The following ANO2 variants were observed in gnomAD, a reference collection of about 807,000 sequenced individuals.
ANO2 encodes anoctamin 2.
Under a neutral mutation model 124.2 loss-of-function variants are expected in ANO2, and 101 were observed. The ratio of observed to expected loss-of-function variants is 0.81; its 90% confidence interval spans 0.69 to 0.96. The LOEUF is 0.96. ANO2 is among the 40% of genes least tolerant of loss of function. The probability of loss-of-function intolerance (pLI) is 0.00; values close to 1 mark genes in which losing one functional copy is unlikely to be tolerated. For synonymous variants in ANO2, 486 were observed against 482.5 expected (o/e 1.01, Z -0.09); for missense variants, 1,293 against 1,274.5 (o/e 1.01, Z -0.22).
intron 16 of ANO2, among the ~76,000 whole-genome samples, chr12:5,619,604 T>C (rs1324607628): frequency 1.3e-5 from 2 of 152,132 alleles, no homozygotes; most frequent in African/African-American, 4.8e-5. Flanking sequence ...CTTCCAAGCC[T>C]GGGCCTTAAT....
At chr12:5,621,581 G>A (rs888875198) in intron 16 of ANO2, among the ~76,000 whole-genome samples, 1 of 152,172 alleles carries the variant, frequency 6.6e-6, no homozygotes, top group Admixed American at 6.5e-5. Flanking sequence ...GGGAGGGCCC[G>A]CTGGGAATTT....
chr12:5,921,133 C>G lies in ANO2; in HGVS notation c.441G>C (p.Pro147=). Residue 147 remains proline, a synonymous_variant, in exon 3 of 25, where the codon CCG becomes CCC. Transcript: ENST00000682330. ...AGGPGDIELG[P]LDALEEERKE... ...TCCTCTCCTCCTCCAGGGCATCGAG[C>G]GGTCCCAGCTCAATGTCACCTGGGC... 1 of 1,613,990 alleles carries G rather than the reference C, an allele frequency of 6.2e-7. No individual in the cohort carries two copies. Among genetic ancestry groups the G allele is most frequent in the Non-Finnish European group, 8.5e-7 (1 of 1,179,890 alleles).
chr12:5,577,946 AG>A lies in ANO2; in HGVS notation c.2439+8del. On this transcript the variant is annotated splice_region_variant and intron_variant, in intron 22 of 24. Transcript: ENST00000682330. ...ACAGAGCGAGTGTGTCATGAATGCA[AG>A]TACTTACGTTGCTGATAACAGAGAA... 1 of 1,612,864 alleles carries A rather than the reference AG, an allele frequency of 6.2e-7. No homozygotes were observed. The highest frequency in any genetic ancestry group is 1.3e-5 in the African/African-American group (1 of 75,020).
intron 3 of ANO2, among the ~76,000 whole-genome samples, chr12:5,917,351 G>A (rs564114931): frequency 1.7e-5 from 1 of 59,926 alleles, no homozygotes; most frequent in African/African-American, 4.1e-5. Context: ...ATATTTCATT[G>A]TACATGCTAA....
At chr12:5,909,517 C>A (rs764455654) in intron 3 of ANO2, among the ~76,000 whole-genome samples, 3 of 152,160 alleles carry the variant, frequency 2.0e-5, no homozygotes, top group Non-Finnish European at 4.4e-5. Context: ...AGTCGAGATC[C>A]AGAGAGAAGC....
intron 14 of ANO2, among the ~76,000 whole-genome samples, chr12:5,682,595 C>A (rs1948544695): frequency 6.6e-6 from 1 of 152,158 alleles, no homozygotes; most frequent in Admixed American, 6.5e-5. Flanking sequence ...TTCTGCCCCC[C>A]AGCTCAGGTC....
At chr12:5,698,452 C>T (rs1392870742) in intron 14 of ANO2, among the ~76,000 whole-genome samples, 1 of 152,162 alleles carries the variant, frequency 6.6e-6, no homozygotes, top group African/African-American at 2.4e-5. Context: ...CTGTACGTCA[C>T]CATCATCAAA....
At chr12:5,762,500 A>C (rs947106045) in intron 10 of ANO2, among the ~76,000 whole-genome samples, 2 of 152,000 alleles carry the variant, frequency 1.3e-5, no homozygotes, top group African/African-American at 2.4e-5. Flanking sequence ...ACAACACTAT[A>C]TGCAAATATA....
intron 10 of ANO2, among the ~76,000 whole-genome samples, chr12:5,795,744 T>C (rs1212567610): frequency 2.0e-5 from 3 of 152,152 alleles, no homozygotes; most frequent in African/African-American, 7.2e-5. Context: ...GGAGCAGATA[T>C]TAACTTTAGT....
intron 3 of ANO2, chr12:5,856,421 C>A (rs977751603): frequency 6.6e-6 from 1 of 152,184 alleles, no homozygotes; most frequent in Non-Finnish European, 1.5e-5. Flanking sequence ...TGGCAGACTG[C>A]TAGCTGTCCC....
chr12:5,563,183 A>G lies in ANO2; in HGVS notation c.*116T>C. ...TTTTACACACTGCCCCCTCTTCAAG[A>G]CCCCATCAAGCCAGGCCCCTGCAGA... is the stretch of plus-strand genomic sequence containing the variant. On this transcript the variant is annotated 3_prime_UTR_variant, in exon 25 of 25. Coordinates refer to ENST00000682330, the MANE Select transcript of ANO2 (RefSeq NM_001364791.2). 7.3e-7 allele frequency: 1 copy of G among 1,362,052 alleles called. No homozygotes were observed. Among genetic ancestry groups the G allele is most frequent in the Non-Finnish European group, 9.8e-7 (1 of 1,021,720 alleles). 84.4% of individuals were successfully genotyped at this position (1,362,052 alleles called of 1,614,324 possible). A position where few individuals can be genotyped will look rare whatever the true frequency, so the allele number is the denominator to read the frequency against.
intron 3 of ANO2, among the ~76,000 whole-genome samples, chr12:5,884,986 G>A (rs1477211866): frequency 6.6e-6 from 1 of 152,192 alleles, no homozygotes; most frequent in Non-Finnish European, 1.5e-5. Context: ...CTACCAGAAA[G>A]CACTACAACA....
chr12:5,717,947 G>A (rs1950082179), intron 14 of ANO2, among the ~76,000 whole-genome samples: 1 of 152,196 alleles, frequency 6.6e-6, no homozygotes, highest in Non-Finnish European at 1.5e-5. Flanking sequence ...TGAAAGAAGA[G>A]CGGACCACAT....
intron 16 of ANO2, 25 bp from the exon 17 acceptor site, chr12:5,615,322 G>A (rs768487895): frequency 1.3e-6 from 2 of 1,574,098 alleles, no homozygotes; most frequent in South Asian, 2.3e-5. Flanking sequence ...CGAGGCTGAT[G>A]AGATTGGGGT....
intron 23 of ANO2, among the ~76,000 whole-genome samples, chr12:5,570,934 A>G (rs1371349878): frequency 1.3e-5 from 2 of 152,164 alleles, no homozygotes; most frequent in African/African-American, 4.8e-5. Flanking sequence ...GTGGTTGATA[A>G]GAATCAGGAA....
At chr12:5,601,957 G>C (rs1943961386) in intron 19 of ANO2, among the ~76,000 whole-genome samples, 1 of 152,274 alleles carries the variant, frequency 6.6e-6, no homozygotes, top group Non-Finnish European at 1.5e-5. Context: ...TCAGGAGTTG[G>C]AGGCACCAGG....
intron 14 of ANO2, among the ~76,000 whole-genome samples, chr12:5,676,868 A>G (rs1277764942): frequency 6.6e-6 from 1 of 152,120 alleles, no homozygotes; most frequent in Non-Finnish European, 1.5e-5. Flanking sequence ...AGCCTGGCCA[A>G]CACGGTGAAA....
intron 10 of ANO2, among the ~76,000 whole-genome samples, chr12:5,764,871 T>C (rs1429176288): frequency 6.6e-6 from 1 of 152,218 alleles, no homozygotes; most frequent in South Asian, 2.1e-4. Context: ...GGAGCCCATA[T>C]GATAAATTAA....
intron 19 of ANO2, among the ~76,000 whole-genome samples, chr12:5,610,202 TATAAATACTTATATAAATA>T (rs1565470967): frequency 8.5e-4 from 111 of 129,898 alleles, no homozygotes; most frequent in African/African-American, 3.1e-3. Context: ...TATATACTTA[TATAAATACTTATATAAATA>T]TATACTTATA....
Sources: gnomAD v4.1 joint callset for allele counts (sites outside exome capture counted in the v4.1 genomes callset) on GRCh38, gnomAD v4.1.1 for gene constraint, MANE v1.5 for transcripts, NCBI Gene and HGNC (gene_info 2026-07-23, HGNC 2026-07-21) for gene names.